PCDHGA9: variants seen among roughly 807,000 people sequenced by gnomAD.
The protein encoded by PCDHGA9 is protocadherin gamma subfamily A, 9.
Under a neutral mutation model 62.5 loss-of-function variants are expected in PCDHGA9, and 37 were observed. The ratio of observed to expected loss-of-function variants is 0.59; its 90% CI spans 0.46 to 0.78. The LOEUF is 0.78. Ranked by LOEUF, PCDHGA9 falls within the 30% of genes least tolerant of loss-of-function variation. The probability of loss-of-function intolerance (pLI) is 0.00; values close to 1 mark genes in which losing one functional copy is unlikely to be tolerated. For missense variants in PCDHGA9, 1,138 were observed against 1,166.2 expected (o/e 0.98, Z 0.35); for synonymous variants, 459 against 484.6 (o/e 0.95, Z 0.69).
Position 141,405,326 on chromosome 5 carries a change from T to C in PCDHGA9, c.2374T>C (p.Cys792Arg), listed in dbSNP as rs764056952. The change falls in exon 1 of 4, where the codon TGC becomes CGC. Residue 792 changes from cysteine to arginine, a missense_variant. Physicochemically the swap from Cys to Arg is radical, Grantham distance 180 (BLOSUM62 -3). Transcript: ENST00000573521. ...GAGCTGTGAGAAAAATGAGCCTTTG[T>C]GCGTCTCTGTTGATTCCAAGTTTCC... ...QQSCEKNEPL[C>R]VSVDSKFPIE... is the part of the protein sequence containing the mutation. The C allele has an allele frequency of 1.2e-6, 2 of 1,614,220 alleles. No individual in the cohort carries two copies. Among genetic ancestry groups the C allele is most frequent in the South Asian group, 2.2e-5 (2 of 91,088 alleles).
intron 1 of PCDHGA9, among the ~76,000 whole-genome samples, chr5:141,449,520 C>T (rs1384869748): frequency 1.4e-5 from 2 of 144,104 alleles, no homozygotes; most frequent in Non-Finnish European, 1.5e-5. Context: ...ACCTGGGAGG[C>T]GGAGGTTGCA....
chr5:141,495,918 T>C (rs2099764622), intron 2 of PCDHGA9, among the ~76,000 whole-genome samples: 1 of 152,184 alleles, frequency 6.6e-6, no homozygotes, highest in African/African-American at 2.4e-5. Flanking sequence ...ATATCTTTCT[T>C]TGTCTCTGTC....
intron 1 of PCDHGA9, chr5:141,428,358 G>C: frequency 1.8e-6 from 1 of 565,492 alleles, no homozygotes; most frequent in South Asian, 1.9e-5. Context: ...TGATTTTGGC[G>C]GTCGCCTTGC....
rs2099884060 is a variant in PCDHGA9 at position 141,512,057 on chromosome 5, A to T, written c.*884A>T. 1 of 152,768 alleles carries T rather than the reference A, an allele frequency of 6.5e-6. No individual in the cohort carries two copies. Among genetic ancestry groups the T allele is most frequent in the South Asian group, 2.1e-4 (1 of 4,832 alleles). 9.5% of individuals were successfully genotyped at this position (152,768 alleles called of 1,614,324 possible). ...GGCTCTGTATGTCCTCAGGGGACTG[A>T]CAACATCCTCCAGATTCCAGCCATA... is the stretch of plus-strand genomic sequence containing the variant. On this transcript the variant is annotated 3_prime_UTR_variant, in exon 4 of 4. Coordinates refer to ENST00000573521, the MANE Select transcript of PCDHGA9 (RefSeq NM_018921.3).
chr5:141,427,224 A>G (rs1269896138), intron 1 of PCDHGA9: 1 of 456,768 alleles, frequency 2.2e-6, no homozygotes, highest in East Asian at 6.9e-5. Context: ...TAGCAGTTAT[A>G]CCATGAGAGT....
At chr5:141,443,088 T>G (rs188899890) in intron 1 of PCDHGA9, among the ~76,000 whole-genome samples, 1 of 151,974 alleles carries the variant, frequency 6.6e-6, no homozygotes, top group African/African-American at 2.4e-5. Context: ...TGTTCCAGTC[T>G]CCTTCTCAAG....
chr5:141,413,900 AC>A, intron 1 of PCDHGA9: 1 of 1,613,126 alleles, frequency 6.2e-7, no homozygotes. Flanking sequence ...GCAAATGACA[AC>A]GCGCCGGTCT....
At chr5:141,457,125 C>T (rs1011977795) in intron 1 of PCDHGA9, among the ~76,000 whole-genome samples, 3 of 152,236 alleles carry the variant, frequency 2.0e-5, no homozygotes, top group Admixed American at 6.5e-5. Flanking sequence ...GCAATGGAAA[C>T]TCTGTCCAAT....
chr5:141,421,109 T>C (rs2096547097), intron 1 of PCDHGA9: 2 of 715,670 alleles, frequency 2.8e-6, no homozygotes, highest in East Asian at 2.8e-5. Flanking sequence ...GACTTAGAAG[T>C]ATTTTCCTTC....
intron 1 of PCDHGA9, among the ~76,000 whole-genome samples, chr5:141,494,034 A>T (rs1206242414): frequency 1.3e-5 from 2 of 152,162 alleles, no homozygotes; most frequent in Non-Finnish European, 2.9e-5. Flanking sequence ...CTGGAGACTT[A>T]GTTGGCCCTG....
chr5:141,485,546 G>C lies in PCDHGA9; in HGVS notation c.2425-9261G>C. The C allele has an allele frequency of 6.2e-7, 1 of 1,614,074 alleles. No individual in the cohort carries two copies. ...GTACCGAGCAGAGGTAGAGATCGTA[G>C]ATGTGAATGATCACGCCCCCCGTTT... is the stretch of plus-strand genomic sequence containing the variant. On this transcript the variant is annotated intron_variant, in intron 1 of 3. Coordinates refer to ENST00000573521, the MANE Select transcript of PCDHGA9 (RefSeq NM_018921.3). The surrounding 1 kb of genome is among the most constrained non-coding windows in gnomAD (Gnocchi z 5.7).
At position 141,473,299 on chromosome 5, in the gene PCDHGA9, G is replaced by A. The variant is rs182316672; in HGVS notation, c.2425-21508G>A. The stretch of plus-strand genomic sequence containing the variant: ...TATTTTACTATGTCAGTAGCATAAA[G>A]ATTGCTATATTAATAAGCATTAAGT... On this transcript the variant is annotated intron_variant, in intron 1 of 3. Coordinates refer to ENST00000573521, the MANE Select transcript of PCDHGA9 (RefSeq NM_018921.3). 5.6e-4 allele frequency among the ~76,000 whole-genome samples: 86 copies of A among 152,346 alleles called. 1 individual carries two copies. The highest frequency in any genetic ancestry group is 1.9e-3 in the African/African-American group (81 of 41,572).
intron 1 of PCDHGA9, chr5:141,419,302 C>A: frequency 6.2e-7 from 1 of 1,614,024 alleles, no homozygotes; most frequent in Non-Finnish European, 8.5e-7. Flanking sequence ...ACCCAGACTT[C>A]GGGCTCAACG....
chr5:141,503,136 A>G (rs1352550702), intron 2 of PCDHGA9, among the ~76,000 whole-genome samples: 5 of 151,846 alleles, frequency 3.3e-5, no homozygotes, highest in Admixed American at 2.0e-4. Context: ...GTAGCCCCTG[A>G]CACAGCCCAT....
In PCDHGA9 at chr5:141,477,428, T is replaced by C; in HGVS notation, c.2425-17379T>C. On this transcript the variant is annotated intron_variant, in intron 1 of 3. Transcript: ENST00000573521. The surrounding 1 kb of genome is among the most constrained non-coding windows in gnomAD (Gnocchi z 4.9). ...CCGAGACGCCGGAACCCCTTCCCTC[T>C]CAGCCCTTACAATAGTGCGTGTTCA... The C allele has an allele frequency of 6.2e-7, 1 of 1,614,142 alleles. No individual in the cohort carries two copies. Among genetic ancestry groups the C allele is most frequent in the Non-Finnish European group, 8.5e-7 (1 of 1,180,036 alleles).
chr5:141,407,548 G>A (rs2094952527), intron 1 of PCDHGA9, among the ~76,000 whole-genome samples: 1 of 151,388 alleles, frequency 6.6e-6, no homozygotes, highest in Non-Finnish European at 1.5e-5. Context: ...GTAACAGATT[G>A]TAGAACATAA....
intron 1 of PCDHGA9, chr5:141,422,606 C>A: frequency 6.2e-7 from 1 of 1,613,904 alleles, no homozygotes; most frequent in Non-Finnish European, 8.5e-7. Context: ...TCTTACTCTG[C>A]CTACATTCCC....
intron 1 of PCDHGA9, among the ~76,000 whole-genome samples, chr5:141,444,472 C>T (rs559334960): frequency 2.1e-4 from 32 of 151,968 alleles, no homozygotes; most frequent in Admixed American, 1.5e-3. Flanking sequence ...CGCCCGGTCG[C>T]GTACTGGATT....
chr5:141,447,161 C>T (rs1432238455), intron 1 of PCDHGA9, among the ~76,000 whole-genome samples: 1 of 151,728 alleles, frequency 6.6e-6, no homozygotes, highest in East Asian at 1.9e-4. Flanking sequence ...TTTGTTTAAG[C>T]GGGGTCTTGC....
Sources: gnomAD v4.1 joint callset for allele counts (sites outside exome capture counted in the v4.1 genomes callset) on GRCh38, gnomAD v4.1.1 for gene constraint, Gnocchi (gnomAD v3.1) non-coding constraint, MANE v1.5 for transcripts, NCBI Gene and HGNC (gene_info 2026-07-23, HGNC 2026-07-21) for gene names.